TAF4: variants seen among roughly 807,000 people sequenced by gnomAD.
TAF4 encodes the protein transcription initiation factor TFIID subunit 4.
A neutral mutation model predicts 90.3 loss-of-function variants in TAF4; 9 were observed. The ratio of observed to expected loss-of-function variants is 0.10; its 90% CI spans 0.06 to 0.17. The LOEUF (loss-of-function observed/expected upper bound fraction) is 0.17, where lower values mean the gene tolerates loss of function less well. Ranked by LOEUF, TAF4 falls within the 10% of genes least tolerant of loss-of-function variation. The probability of loss-of-function intolerance (pLI) is 1.00; values close to 1 mark genes in which losing one functional copy is unlikely to be tolerated. For missense variants in TAF4, 1,351 were observed against 1,370.7 expected (o/e 0.99, Z 0.23); for synonymous variants, 818 against 638.9 (o/e 1.28, Z -4.23).
intron 1 of TAF4, among the ~76,000 whole-genome samples, chr20:62,042,618 C>A (rs2055970047): frequency 6.6e-6 from 1 of 152,264 alleles, no homozygotes; most frequent in East Asian, 1.9e-4. Context: ...CGCTCCCCTG[C>A]ACGCTCCCCT....
intron 14 of TAF4, among the ~76,000 whole-genome samples, chr20:61,979,582 C>A (rs561829565): frequency 7.6e-6 from 1 of 131,248 alleles, no homozygotes; most frequent in Admixed American, 8.2e-5. Context: ...GCAGGCGCGA[C>A]GGCCTCTAGA....
rs1222883196 is a variant in TAF4, at chr20:62,006,746, C to G, written c.1987G>C (p.Ala663Pro). Residue 663 changes from alanine to proline, a missense_variant, in exon 7 of 15, where the codon GCC becomes CCC. By Grantham distance (27) the Ala-to-Pro change is conservative. Coordinates refer to ENST00000252996, the MANE Select transcript of TAF4 (RefSeq NM_003185.4). The surrounding 1 kb of genome is among the most constrained non-coding windows in gnomAD (Gnocchi z 7.0). ...LVPFLKRSLPALRQLTPDSAA... is the reference protein window; with the variant it reads ...LVPFLKRSLPPLRQLTPDSAA... ...GAGTCGGGGGTCAGCTGTCTCAAGG[C>G]GGGTAAGCTCCTCTGGGTGGAAAGA... 4.6e-6 allele frequency: 7 copies of G among 1,518,396 alleles called. No homozygotes were observed. The highest frequency in any genetic ancestry group is 6.2e-6 in the Non-Finnish European group (7 of 1,124,044). 94.1% of individuals were successfully genotyped at this position (1,518,396 alleles called of 1,614,324 possible). A position where few individuals can be genotyped will look rare whatever the true frequency, so the allele number is the denominator to read the frequency against.
At chr20:62,005,722 C>G (rs2055740501) in intron 7 of TAF4, 1 of 152,222 alleles carries the variant, frequency 6.6e-6, no homozygotes, top group African/African-American at 2.4e-5. Flanking sequence ...AAAACAAATG[C>G]AACTTGAACA....
intron 1 of TAF4, among the ~76,000 whole-genome samples, chr20:62,046,509 T>C (rs550934616): frequency 5.9e-5 from 9 of 152,376 alleles, no homozygotes; most frequent in Middle Eastern, 3.4e-3. Context: ...AGATTCACTG[T>C]ATTGCTGCAT....
Position 62,006,445 on chromosome 20 carries a change from C to T in TAF4, c.2223+65G>A. On this transcript the variant is annotated intron_variant, in intron 7 of 14. Transcript: ENST00000252996. This position sits in a 1 kb window ranked among gnomAD's most constrained non-coding sequence, Gnocchi z 7.0. The stretch of plus-strand genomic sequence containing the variant: ...GGTTTCTGAGCCGTGGCCAATTTAT[C>T]TAAGAAGCGGGCGGGAGCAGAGGCA... 7.5e-7 allele frequency: 1 copy of T among 1,340,910 alleles called. No individual in the cohort carries two copies. The highest frequency in any genetic ancestry group is 9.6e-7 in the Non-Finnish European group (1 of 1,043,528). 83.1% of individuals were successfully genotyped at this position (1,340,910 alleles called of 1,614,324 possible).
At chr20:62,055,938 C>T (rs778939512) in intron 1 of TAF4, among the ~76,000 whole-genome samples, 9 of 152,202 alleles carry the variant, frequency 5.9e-5, no homozygotes, top group Non-Finnish European at 1.0e-4. Context: ...TACACACCCT[C>T]GGAATGTGCT....
intron 1 of TAF4, among the ~76,000 whole-genome samples, chr20:62,042,275 C>A (rs2055968125): frequency 6.6e-6 from 1 of 152,204 alleles, no homozygotes; most frequent in African/African-American, 2.4e-5. Flanking sequence ...TGCGGGACGG[C>A]TGAACTCCAG....
intron 1 of TAF4, among the ~76,000 whole-genome samples, chr20:62,053,745 TC>T (rs771430028): frequency 2.0e-5 from 3 of 152,140 alleles, no homozygotes; most frequent in Non-Finnish European, 4.4e-5. Flanking sequence ...TCCACCCGTA[TC>T]CCACCCTGCC....
At chr20:62,048,313 C>G (rs1422233413) in intron 1 of TAF4, among the ~76,000 whole-genome samples, 1 of 152,170 alleles carries the variant, frequency 6.6e-6, no homozygotes, top group East Asian at 1.9e-4. Flanking sequence ...CCTGGACACA[C>G]CTAGGAAAGG....
intron 1 of TAF4, among the ~76,000 whole-genome samples, chr20:62,051,449 C>A (rs2056026928): frequency 6.6e-6 from 1 of 152,196 alleles, no homozygotes; most frequent in Non-Finnish European, 1.5e-5. Flanking sequence ...TCCCTCCCCA[C>A]AGGGCCCTGG....
In TAF4 at chr20:62,010,147, C is replaced by T. The variant is rs758565478; in HGVS notation, c.1660G>A (p.Gly554Ser). The T allele has an allele frequency of 1.2e-5, 19 of 1,613,786 alleles. No individual in the cohort carries two copies. The highest frequency in any genetic ancestry group is 1.4e-5 in the Non-Finnish European group (17 of 1,180,022). The part of the protein sequence containing the change: ...PGVQPQLVLG[G>S]AAQTASLGTA... ...CCAAGTGAAGCCGTCTGGGCAGCGC[C>T]ACCCAGAACGAGCTGAGGCTACAAG... is the stretch of plus-strand genomic sequence containing the variant. The change falls in exon 4 of 15, where the codon GGC becomes AGC. Residue 554 changes from glycine to serine, a missense_variant. By Grantham distance (56) the Gly-to-Ser change is moderately conservative. Coordinates refer to ENST00000252996, the MANE Select transcript of TAF4 (RefSeq NM_003185.4). This position sits in a 1 kb window ranked among gnomAD's most constrained non-coding sequence, Gnocchi z 4.5.
At chr20:62,001,545 C>T (rs1429707389) in intron 9 of TAF4, among the ~76,000 whole-genome samples, 1 of 152,162 alleles carries the variant, frequency 6.6e-6, no homozygotes, top group Admixed American at 6.5e-5. Context: ...GGGCTTTGAA[C>T]GTGAGGCCGG....
At chr20:62,063,172 G>C (rs1039455071) in intron 1 of TAF4, among the ~76,000 whole-genome samples, 2 of 152,178 alleles carry the variant, frequency 1.3e-5, no homozygotes, top group Non-Finnish European at 2.9e-5. Flanking sequence ...CTGCAGCCTA[G>C]CAGCCGCCCA....
intron 1 of TAF4, among the ~76,000 whole-genome samples, chr20:62,049,923 CT>C (rs1448037064): frequency 6.6e-6 from 1 of 152,168 alleles, no homozygotes; most frequent in Non-Finnish European, 1.5e-5. Context: ...AGCAAAGTGA[CT>C]GCTTCAGACC....
At chr20:62,023,747 C>CAAAAAAAA (rs59813943) in intron 1 of TAF4, among the ~76,000 whole-genome samples, 24 of 59,504 alleles carry the variant, frequency 4.0e-4, no homozygotes, top group East Asian at 6.1e-4. Flanking sequence ...GACTCCATCT[C>CAAAAAAAA]AAAAAAAAAA....
At chr20:62,064,343 G>A (rs973322614) in intron 1 of TAF4, 108 bp downstream of exon 1, 14 of 1,206,936 alleles carry the variant, frequency 1.2e-5, no homozygotes, top group African/African-American at 7.9e-5. Context: ...CCAGCCACGG[G>A]CCTACGGGAC....
chr20:62,009,763 G>A (rs1252217859), intron 4 of TAF4, among the ~76,000 whole-genome samples: 2 of 152,226 alleles, frequency 1.3e-5, no homozygotes, highest in African/African-American at 4.8e-5. Context: ...TGGCGCTGCT[G>A]TTTTACATAC....
At chr20:62,020,590 G>T (rs964108264) in intron 1 of TAF4, among the ~76,000 whole-genome samples, 3 of 152,118 alleles carry the variant, frequency 2.0e-5, no homozygotes, top group Non-Finnish European at 4.4e-5. Context: ...CCGTCATGTC[G>T]CAGCTCAATA....
intron 1 of TAF4, among the ~76,000 whole-genome samples, chr20:62,048,499 C>A (rs2056006550): frequency 6.6e-6 from 1 of 152,078 alleles, no homozygotes; most frequent in African/African-American, 2.4e-5. Flanking sequence ...CTTCCCCTAA[C>A]AGAGGTGCTC....
Sources: allele counts gnomAD v4.1 joint callset (sites outside exome capture counted in the v4.1 genomes callset), GRCh38; gene constraint gnomAD v4.1.1; non-coding constraint Gnocchi (gnomAD v3.1); transcripts MANE v1.5; gene names NCBI Gene and HGNC (gene_info 2026-07-23, HGNC 2026-07-21).